The following ELMO1 variants were observed in gnomAD, a reference collection of about 807,000 sequenced individuals.
The protein encoded by ELMO1 is engulfment and cell motility protein 1.
Under a neutral mutation model 98.9 loss-of-function variants are expected in ELMO1, and 26 were observed. The observed-to-expected ratio is 0.26, with a 90% CI of 0.19 to 0.36. ELMO1 has a LOEUF of 0.36. Among genes scored for constraint, ELMO1 ranks in the 10% least tolerant of loss-of-function variants. The pLI, the probability that ELMO1 is intolerant of heterozygous loss-of-function variation, is 1.00. For missense variants in ELMO1, 627 were observed against 935.2 expected (o/e 0.67, Z 4.30); for synonymous variants, 346 against 346.0 (o/e 1.00, Z 0.00).
In ELMO1 at chr7:36,894,988, C is replaced by T. The variant is rs575519644; in HGVS notation, c.1467G>A (p.Met489Ile). ...KVMQVVKEQV[M>I]RALTTKPSSL... ...AGCTAGGCTTGGTTGTAAGTGCTCT[C>T]ATAACCTGCTCCTTCACCACCTGCA... is the stretch of plus-strand genomic sequence containing the variant. The change falls in exon 17 of 22, where the codon ATG becomes ATA. Residue 489 changes from methionine to isoleucine, a missense_variant. Coordinates refer to ENST00000310758, the MANE Select transcript of ELMO1 (RefSeq NM_014800.11). The T allele has an allele frequency of 1.2e-6, 2 of 1,613,934 alleles. No individual in the cohort carries two copies. The highest frequency in any genetic ancestry group is 2.7e-5 in the African/African-American group (2 of 75,030).
intron 20 of ELMO1, chr7:36,862,107 C>A: frequency 4.4e-6 from 1 of 227,000 alleles, no homozygotes; most frequent in Middle Eastern, 1.7e-3. Flanking sequence ...TCCAGAGAGG[C>A]CACAAAAACA....
rs554916711 is a variant in ELMO1 at position 37,342,677 on chromosome 7, G to A, written c.14C>T (p.Ala5Val). 1.3e-5 allele frequency: 21 copies of A among 1,610,228 alleles called. No individual in the cohort carries two copies. The highest frequency in any genetic ancestry group is 4.4e-5 in the South Asian group (4 of 90,628). The change falls in exon 2 of 22, where the codon GCG becomes GTG. Residue 5 changes from alanine to valine, a missense_variant. Ala to Val is a moderately conservative substitution (Grantham distance 64). Transcript: ENST00000310758. The surrounding 1 kb of genome is among the most constrained non-coding windows in gnomAD (Gnocchi z 4.3). Reference sequence around the variant, plus strand: ...TTCTATGGCCACCTTGACGATGTCCGCGGGTGGCGGCATTGTAAGTCCCCA... The same window carrying A: ...TTCTATGGCCACCTTGACGATGTCCACGGGTGGCGGCATTGTAAGTCCCCA... MPPP[A>V]DIVKVAIEWP...
intron 7 of ELMO1, among the ~76,000 whole-genome samples, chr7:37,242,723 G>A (rs986979101): frequency 3.3e-5 from 5 of 152,188 alleles, no homozygotes; most frequent in Non-Finnish European, 5.9e-5. Flanking sequence ...AGTGGACTGC[G>A]ACAGGGTTTA....
intron 1 of ELMO1, among the ~76,000 whole-genome samples, chr7:37,363,639 A>G (rs1282369754): frequency 6.6e-6 from 1 of 152,146 alleles, no homozygotes; most frequent in African/African-American, 2.4e-5. Flanking sequence ...ACGCCCAGCT[A>G]CTTGAAATCA....
chr7:36,948,516 G>T (rs1787697656), intron 16 of ELMO1, among the ~76,000 whole-genome samples: 1 of 152,140 alleles, frequency 6.6e-6, no homozygotes, highest in Non-Finnish European at 1.5e-5. Context: ...TAAATCAACT[G>T]TATAAAATCA....
intron 1 of ELMO1, among the ~76,000 whole-genome samples, chr7:37,400,510 T>C (rs942581972): frequency 1.3e-5 from 2 of 152,244 alleles, no homozygotes; most frequent in African/African-American, 4.8e-5. Flanking sequence ...TTAACTAAGA[T>C]ATACTTTAAA....
At chr7:37,164,044 A>AT (rs1333542209) in intron 13 of ELMO1, among the ~76,000 whole-genome samples, 3 of 152,206 alleles carry the variant, frequency 2.0e-5, no homozygotes, top group Non-Finnish European at 1.5e-5. Flanking sequence ...CTGGTGTGAG[A>AT]TAATATCCCA....
chr7:36,941,672 A>C (rs1363609622), intron 16 of ELMO1, among the ~76,000 whole-genome samples: 1 of 152,242 alleles, frequency 6.6e-6, no homozygotes, highest in Admixed American at 6.5e-5. Flanking sequence ...TTAGAATAGA[A>C]TGCCAAACCT....
At chr7:37,059,716 T>A (rs1019561675) in intron 15 of ELMO1, among the ~76,000 whole-genome samples, 1 of 152,204 alleles carries the variant, frequency 6.6e-6, no homozygotes, top group African/African-American at 2.4e-5. Context: ...TTTTTCTTTA[T>A]TATTGTCTTC....
intron 2 of ELMO1, among the ~76,000 whole-genome samples, chr7:37,321,745 A>G (rs1799519673): frequency 1.3e-5 from 2 of 149,968 alleles, no homozygotes. Flanking sequence ...AAAACACAGA[A>G]AAGAAAAAAG....
chr7:36,948,933 G>A (rs1787739135), intron 16 of ELMO1, among the ~76,000 whole-genome samples: 1 of 152,094 alleles, frequency 6.6e-6, no homozygotes, highest in Non-Finnish European at 1.5e-5. Context: ...TTGGCTCACT[G>A]CAACCTCTGT....
At chr7:36,908,092 A>C (rs1319490378) in intron 16 of ELMO1, among the ~76,000 whole-genome samples, 1 of 152,202 alleles carries the variant, frequency 6.6e-6, no homozygotes, top group African/African-American at 2.4e-5. Flanking sequence ...CCCAACAGCT[A>C]AACAGAATTT....
intron 1 of ELMO1, among the ~76,000 whole-genome samples, chr7:37,357,422 G>GCCC (rs1801535901): frequency 1.3e-5 from 2 of 152,054 alleles, no homozygotes; most frequent in Non-Finnish European, 2.9e-5. Flanking sequence ...CAGCCCAGCT[G>GCCC]CCCCCCAGAA....
chr7:36,881,054 CAA>C (rs1804412190), intron 18 of ELMO1, among the ~76,000 whole-genome samples: 1 of 152,088 alleles, frequency 6.6e-6, no homozygotes, highest in Admixed American at 6.5e-5. Context: ...CGATAAAAAG[CAA>C]AAAGATTGGT....
chr7:36,899,684 C>CTTTTTTTTTTTTTTTTTTTTT (rs10522661), intron 16 of ELMO1, among the ~76,000 whole-genome samples: 894 of 63,618 alleles, frequency 0.014, 288 homozygotes, highest in Non-Finnish European at 0.019. Context: ...CTTTACTCAT[C>CTTTTTTTTTTTTTTTTTTTTT]TTTTTTTTTT....
intron 15 of ELMO1, among the ~76,000 whole-genome samples, chr7:37,019,456 A>G (rs896761949): frequency 3.3e-5 from 5 of 152,206 alleles, no homozygotes; most frequent in African/African-American, 7.2e-5. Context: ...AGCAAGCTCA[A>G]TCCAAGTGTG....
rs543833751 is a variant in ELMO1 at position 37,046,235 on chromosome 7, T to G, written c.1301-32800A>C. Among the ~76,000 whole-genome samples the G allele has an allele frequency of 2.6e-5, 4 of 152,248 alleles. No homozygotes were observed. In the South Asian group the frequency reaches 6.2e-4, roughly 24 times the overall value. ...ATGTATAACTATCCAGTAATTATTATGCACAATTTCAATAGACTAACTCAG... is the reference window on the plus strand; with the variant it reads ...ATGTATAACTATCCAGTAATTATTAGGCACAATTTCAATAGACTAACTCAG... On this transcript the variant is annotated intron_variant, in intron 15 of 21. Coordinates refer to ENST00000310758, the MANE Select transcript of ELMO1 (RefSeq NM_014800.11).
chr7:37,294,926 A>G (rs1797953832), intron 4 of ELMO1, among the ~76,000 whole-genome samples: 1 of 151,770 alleles, frequency 6.6e-6, no homozygotes. Context: ...CTTGAACCCA[A>G]GAGGCGGAGG....
At chr7:36,969,006 T>C (rs1185837048) in intron 16 of ELMO1, among the ~76,000 whole-genome samples, 1 of 152,114 alleles carries the variant, frequency 6.6e-6, no homozygotes, top group African/African-American at 2.4e-5. Context: ...TTTGGTTCAG[T>C]GGTTATTTAA....
Sources: gnomAD v4.1 joint callset for allele counts (sites outside exome capture counted in the v4.1 genomes callset) on GRCh38, gnomAD v4.1.1 for gene constraint, Gnocchi (gnomAD v3.1) non-coding constraint, MANE v1.5 for transcripts, NCBI Gene and HGNC (gene_info 2026-07-23, HGNC 2026-07-21) for gene names.